Variants in PHLPP1 observed in about 807,000 individuals in gnomAD.
PHLPP1 encodes the protein PH domain leucine-rich repeat-containing protein phosphatase 1.
A neutral mutation model predicts 117.2 loss-of-function variants in PHLPP1; 42 were observed. The ratio of observed to expected loss-of-function variants is 0.36; its 90% CI spans 0.28 to 0.46. The LOEUF is 0.46. PHLPP1 is among the 20% of genes least tolerant of loss of function. The pLI, the probability that PHLPP1 is intolerant of heterozygous loss-of-function variation, is 1.00. For synonymous variants in PHLPP1, 1,042 were observed against 970.7 expected (o/e 1.07, Z -1.37); for missense variants, 2,084 against 2,241.9 (o/e 0.93, Z 1.42).
intron 5 of PHLPP1, 117 bp from the exon 6 acceptor site, chr18:62,895,664 T>A: frequency 1.5e-6 from 1 of 676,726 alleles, no homozygotes; most frequent in African/African-American, 1.8e-5. Context: ...CTTAGGCATT[T>A]TGCGAAGAAT....
intron 14 of PHLPP1, among the ~76,000 whole-genome samples, chr18:62,966,076 G>A (rs1910896346): frequency 6.6e-6 from 1 of 152,022 alleles, no homozygotes; most frequent in African/African-American, 2.4e-5. Flanking sequence ...TTGCACCTGG[G>A]TTCTATACTT....
At chr18:62,881,262 G>A (rs897549451) in intron 4 of PHLPP1, among the ~76,000 whole-genome samples, 2 of 151,872 alleles carry the variant, frequency 1.3e-5, no homozygotes, top group Non-Finnish European at 2.9e-5. Flanking sequence ...AAATAATAAA[G>A]GGTTTTTTTT....
chr18:62,947,745 A>G (rs1337584284), intron 12 of PHLPP1, among the ~76,000 whole-genome samples: 2 of 152,136 alleles, frequency 1.3e-5, no homozygotes, highest in Admixed American at 1.3e-4. Flanking sequence ...ATACAAATAG[A>G]GGCCTGGCTT....
chr18:62,853,533 C>G (rs1568138478), intron 3 of PHLPP1, among the ~76,000 whole-genome samples: 2 of 152,116 alleles, frequency 1.3e-5, no homozygotes, highest in Non-Finnish European at 2.9e-5. Flanking sequence ...CCCCACCCAG[C>G]TAATTTTTGT....
chr18:62,821,078 A>G (rs889794873), intron 1 of PHLPP1, among the ~76,000 whole-genome samples: 3 of 152,218 alleles, frequency 2.0e-5, no homozygotes, highest in Non-Finnish European at 4.4e-5. Flanking sequence ...TTAAAACACA[A>G]TATACCAGAA....
intron 13 of PHLPP1, among the ~76,000 whole-genome samples, chr18:62,962,540 C>T (rs1910800097): frequency 6.6e-6 from 1 of 152,186 alleles, no homozygotes. Context: ...AACTCCCGAC[C>T]TCAGGTGATC....
intron 3 of PHLPP1, among the ~76,000 whole-genome samples, chr18:62,848,012 C>CTAT (rs1309738076): frequency 6.6e-6 from 1 of 152,244 alleles, no homozygotes; most frequent in Non-Finnish European, 1.5e-5. Flanking sequence ...CCTTAGCAGT[C>CTAT]TATTTTCAGC....
intron 1 of PHLPP1, among the ~76,000 whole-genome samples, chr18:62,820,592 T>C (rs1376291546): frequency 2.0e-5 from 3 of 152,202 alleles, no homozygotes; most frequent in Non-Finnish European, 4.4e-5. Flanking sequence ...TATAAGGGGC[T>C]CATCCCCCTT....
intron 1 of PHLPP1, among the ~76,000 whole-genome samples, chr18:62,808,547 G>GTTTTTTTTTTTTTTTT (rs1555673585): frequency 7.0e-6 from 1 of 142,396 alleles, no homozygotes; most frequent in Non-Finnish European, 1.6e-5. Context: ...TCATCTCTCT[G>GTTTTTTTTTTTTTTTT]TTTTTTTTTG....
At chr18:62,928,553 CT>C (rs1156871156) in intron 10 of PHLPP1, among the ~76,000 whole-genome samples, 6 of 152,180 alleles carry the variant, frequency 3.9e-5, no homozygotes, top group Non-Finnish European at 1.5e-5. Flanking sequence ...ACCTCGTACA[CT>C]GCTGGCAGGA....
chr18:62,838,680 C>T, intron 2 of PHLPP1, 104 bp from the exon 3 acceptor site: 1 of 1,103,276 alleles, frequency 9.1e-7, no homozygotes. Flanking sequence ...TATAGGGAAA[C>T]ATGCAAATCC....
chr18:62,956,500 A>G (rs1910615084), intron 12 of PHLPP1, among the ~76,000 whole-genome samples: 1 of 152,202 alleles, frequency 6.6e-6, no homozygotes, highest in Non-Finnish European at 1.5e-5. Flanking sequence ...ACCATAGCAG[A>G]TGGGAATGAA....
intron 1 of PHLPP1, among the ~76,000 whole-genome samples, chr18:62,819,283 A>G (rs915221137): frequency 2.0e-5 from 3 of 152,224 alleles, no homozygotes; most frequent in South Asian, 2.1e-4. Context: ...GTAGTGTACT[A>G]CTTATGGTGT....
intron 1 of PHLPP1, among the ~76,000 whole-genome samples, chr18:62,766,076 A>AAAAAAAAATATATAT: frequency 2.8e-4 from 6 of 21,658 alleles, no homozygotes; most frequent in South Asian, 2.3e-3. Context: ...AAAAAAAAAA[A>AAAAAAAAATATATAT]ATATATATAT....
At chr18:62,880,160 C>G (rs2087904472) in intron 4 of PHLPP1, among the ~76,000 whole-genome samples, 1 of 151,744 alleles carries the variant, frequency 6.6e-6, no homozygotes, top group Non-Finnish European at 1.5e-5. Flanking sequence ...TGGTTCAACC[C>G]TAGCATCAGA....
intron 12 of PHLPP1, among the ~76,000 whole-genome samples, chr18:62,954,103 CTT>C (rs1048522747): frequency 3.1e-4 from 47 of 152,222 alleles, no homozygotes; most frequent in African/African-American, 1.1e-3. Context: ...GATATAATGA[CTT>C]TTTTATGCTC....
rs772573248 is a variant in PHLPP1, at chr18:62,975,482, T to G, written c.3841T>G (p.Phe1281Val). 1 of 1,613,456 alleles carries G rather than the reference T, an allele frequency of 6.2e-7. No individual in the cohort carries two copies. Among genetic ancestry groups the G allele is most frequent in the South Asian group, 1.1e-5 (1 of 91,060 alleles). ...KHDPVDPGGS[F>V]TLTSANVGKC... ...TGACCCTGTGGATCCAGGAGGATCC[T>G]TCACCTTGACCTCTGCTAATGTGGG... The change falls in exon 16 of 17, where the codon TTC (phenylalanine) becomes GTC (valine). Residue 1281 changes from phenylalanine to valine, a missense_variant. By Grantham distance (50) the Phe-to-Val change is conservative. Transcript: ENST00000262719.
chr18:62,922,443 C>T (rs1268617634), intron 10 of PHLPP1, among the ~76,000 whole-genome samples: 1 of 152,156 alleles, frequency 6.6e-6, no homozygotes, highest in Non-Finnish European at 1.5e-5. Context: ...GGCTAGAATT[C>T]TTGTTTTTAC....
chr18:62,795,679 T>C (rs1438337742), intron 1 of PHLPP1, among the ~76,000 whole-genome samples: 1 of 152,072 alleles, frequency 6.6e-6, no homozygotes, highest in South Asian at 2.1e-4. Flanking sequence ...TGAAAACTTA[T>C]CTTCTATCCC....
Sources: allele counts gnomAD v4.1 joint callset (sites outside exome capture counted in the v4.1 genomes callset), GRCh38; gene constraint gnomAD v4.1.1; transcripts MANE v1.5; gene names NCBI Gene and HGNC (gene_info 2026-07-23, HGNC 2026-07-21).